LINGO2: variants seen among roughly 807,000 people sequenced by gnomAD.
The protein encoded by LINGO2 is leucine rich repeat and Ig domain containing 2, also known as leucine-rich repeat and immunoglobulin-like domain-containing nogo receptor-interacting protein 2.
Under a neutral mutation model 30.6 loss-of-function variants are expected in LINGO2, and 14 were observed. That is an observed-to-expected ratio of 0.46 (90% CI 0.30 to 0.72). LINGO2 has a LOEUF of 0.72. Ranked by LOEUF, LINGO2 falls within the 30% of genes least tolerant of loss-of-function variation. The pLI is 0.07. For synonymous variants in LINGO2, 317 were observed against 288.5 expected, an observed-to-expected ratio of 1.10 and a Z score of -1.00; for missense variants, 729 against 751.7, an observed-to-expected ratio of 0.97 and a Z score of 0.35.
rs368166478 is a variant in LINGO2 at position 28,398,105 on chromosome 9, ATCAG to A, written c.-278-25241_-278-25238del. Among the ~76,000 whole-genome samples the A allele has an allele frequency of 3.0e-4, 46 of 152,292 alleles. No homozygotes were observed. The East Asian group carries it at 7.7e-3, about 26-fold the overall frequency. On this transcript the variant is annotated intron_variant, in intron 2 of 5. Coordinates refer to ENST00000379992, the Ensembl canonical transcript of LINGO2. The stretch of plus-strand genomic sequence containing the variant: ...CAGGTTGGGAACTGAGACAGAAAAG[ATCAG>A]TCAGTGTTATGATTACCCTGGCTGA...
chr9:28,837,503 T>A, the LINGO2 span, among the ~76,000 whole-genome samples: 5 of 150,442 alleles, frequency 3.3e-5, no homozygotes, highest in African/African-American at 9.8e-5. Context: ...AAAAATTAGC[T>A]GGGTGGGGTG....
intron 4 of LINGO2, among the ~76,000 whole-genome samples, chr9:28,172,107 C>T (rs1828614998): frequency 1.4e-5 from 2 of 147,594 alleles, no homozygotes; most frequent in Non-Finnish European, 3.0e-5. Context: ...ATTAAGAATT[C>T]ACGGCCCGGC....
At chr9:27,996,787 G>T (rs774727618) in intron 5 of LINGO2, among the ~76,000 whole-genome samples, 1 of 152,162 alleles carries the variant, frequency 6.6e-6, no homozygotes, top group Non-Finnish European at 1.5e-5. Flanking sequence ...AGTGATAAAT[G>T]TTTGAGGTAG....
the LINGO2 span, among the ~76,000 whole-genome samples, chr9:28,926,892 C>A: frequency 1.3e-5 from 2 of 152,192 alleles, no homozygotes; most frequent in Non-Finnish European, 2.9e-5. Context: ...TTCTCCTCAT[C>A]CCTCAGGCTT....
intron 3 of LINGO2, among the ~76,000 whole-genome samples, chr9:28,299,950 T>C (rs1271097445): frequency 6.6e-6 from 1 of 152,104 alleles, no homozygotes; most frequent in African/African-American, 2.4e-5. Context: ...CCAAACAACT[T>C]TATAGATTTC....
chr9:28,099,504 A>AC (rs775997550), intron 4 of LINGO2, among the ~76,000 whole-genome samples: 23 of 152,194 alleles, frequency 1.5e-4, no homozygotes, highest in Non-Finnish European at 2.8e-4. Context: ...AAGAGTTCTC[A>AC]CTGACTTAGC....
intron 4 of LINGO2, among the ~76,000 whole-genome samples, chr9:28,133,136 T>C (rs1262127377): frequency 6.6e-6 from 1 of 152,146 alleles, no homozygotes; most frequent in Non-Finnish European, 1.5e-5. Flanking sequence ...TTGAACAAAA[T>C]TGCTGAAGAA....
chr9:28,624,217 A>C (rs545028266), intron 1 of LINGO2, among the ~76,000 whole-genome samples: 2 of 152,180 alleles, frequency 1.3e-5, no homozygotes, highest in Non-Finnish European at 2.9e-5. Flanking sequence ...TATGTTGAAA[A>C]ACAGTAGTGA....
chr9:28,219,094 A>C (rs981579420), intron 4 of LINGO2, among the ~76,000 whole-genome samples: 1 of 152,194 alleles, frequency 6.6e-6, no homozygotes, highest in Non-Finnish European at 1.5e-5. Context: ...TAGCTTTTGC[A>C]GAACCAGGAC....
intron 1 of LINGO2, among the ~76,000 whole-genome samples, chr9:28,494,848 T>C (rs1819537869): frequency 6.6e-6 from 1 of 152,216 alleles, no homozygotes; most frequent in Non-Finnish European, 1.5e-5. Context: ...TGTAAAAGTG[T>C]TCCTATTTCT....
At chr9:28,186,169 T>C (rs1221781271) in intron 4 of LINGO2, among the ~76,000 whole-genome samples, 1 of 152,194 alleles carries the variant, frequency 6.6e-6, no homozygotes, top group Admixed American at 6.6e-5. Flanking sequence ...ACTTTTGACA[T>C]TAACCTCATC....
the LINGO2 span, among the ~76,000 whole-genome samples, chr9:29,066,487 T>C: frequency 2.0e-5 from 3 of 151,948 alleles, no homozygotes; most frequent in Admixed American, 2.0e-4. Flanking sequence ...GCATCCAAGG[T>C]ACTCAGTGTA....
chr9:28,041,487 T>C (rs899713348), intron 4 of LINGO2, among the ~76,000 whole-genome samples: 7 of 152,146 alleles, frequency 4.6e-5, no homozygotes, highest in Admixed American at 3.9e-4. Context: ...GTGCTGGGTA[T>C]GTGTGCGTGT....
intron 1 of LINGO2, among the ~76,000 whole-genome samples, chr9:28,493,937 C>T (rs776066152): frequency 6.6e-6 from 1 of 152,132 alleles, no homozygotes; most frequent in Non-Finnish European, 1.5e-5. Context: ...GACTGGCTTC[C>T]TCTCTCCTCA....
the LINGO2 span, among the ~76,000 whole-genome samples, chr9:28,999,484 A>G: frequency 6.6e-6 from 1 of 152,222 alleles, no homozygotes; most frequent in South Asian, 2.1e-4. Context: ...ACTGAGGAAT[A>G]GGAGTTCAAT....
intron 1 of LINGO2, among the ~76,000 whole-genome samples, chr9:28,640,319 G>A (rs916561483): frequency 1.3e-5 from 2 of 151,994 alleles, no homozygotes; most frequent in Non-Finnish European, 2.9e-5. Context: ...TCTTCTCGAG[G>A]AGTATCTTTG....
At chr9:28,651,617 C>T (rs1828105966) in intron 1 of LINGO2, among the ~76,000 whole-genome samples, 1 of 152,054 alleles carries the variant, frequency 6.6e-6, no homozygotes, top group Non-Finnish European at 1.5e-5. Flanking sequence ...ATAGTTGAGG[C>T]AGGTGAAAAT....
intron 5 of LINGO2, among the ~76,000 whole-genome samples, chr9:27,954,265 A>G (rs1819456681): frequency 6.6e-6 from 1 of 152,172 alleles, no homozygotes; most frequent in South Asian, 2.1e-4. Context: ...CAGTCACTCT[A>G]CTGTGGAACA....
chr9:28,771,621 C>T, the LINGO2 span, among the ~76,000 whole-genome samples: 7,353 of 151,950 alleles, frequency 0.048, 304 homozygotes, highest in Admixed American at 0.12. Context: ...TTTAGTTAAT[C>T]TCTCTAATCC....
Sources: allele counts gnomAD v4.1 joint callset (sites outside exome capture counted in the v4.1 genomes callset), GRCh38; gene constraint gnomAD v4.1.1; transcripts MANE v1.5; gene names NCBI Gene and HGNC (gene_info 2026-07-23, HGNC 2026-07-21).